Variants in ANO3 observed in about 807,000 individuals in gnomAD.
The protein encoded by ANO3 is anoctamin 3, also known as anoctamin-3.
A neutral mutation model predicts 144.8 loss-of-function variants in ANO3; 99 were observed. That is an observed-to-expected ratio of 0.68 (90% confidence interval 0.58 to 0.81). The LOEUF (loss-of-function observed/expected upper bound fraction) is 0.81. Among genes scored for constraint, ANO3 ranks in the 30% least tolerant of loss-of-function variants. ANO3 has a pLI of 0.00. For synonymous variants in ANO3, 414 were observed against 392.6 expected, an observed-to-expected ratio of 1.05 and a Z score of -0.64; for missense variants, 905 against 1,202.2, an observed-to-expected ratio of 0.75 and a Z score of 3.66.
In ANO3 at chr11:26,542,047, A is replaced by T; in HGVS notation, c.1133A>T (p.His378Leu). 1 of 1,611,732 alleles carries T rather than the reference A, an allele frequency of 6.2e-7. No homozygotes were observed. The highest frequency in any genetic ancestry group is 8.5e-7 in the Non-Finnish European group (1 of 1,178,768). Residue 378 changes from histidine to leucine, a missense_variant, in exon 11 of 27, where the codon CAT becomes CTT. By Grantham distance (99) the His-to-Leu change is moderately conservative. This residue lies in a region of ANO3 where 597 missense variants were observed against 865.1 expected (regional missense o/e 0.69). Transcript: ENST00000256737. ...RWARWGMWYK[H>L]QPLDLIRLYF... ...GCACGCTGGGGAATGTGGTATAAGC[A>T]TCAGCCTCTGGATTTAATCAGGTAC...
chr11:26,359,182 A>G (rs1855860446), intron 1 of ANO3, among the ~76,000 whole-genome samples: 1 of 152,222 alleles, frequency 6.6e-6, no homozygotes, highest in African/African-American at 2.4e-5. Flanking sequence ...TGCTATGAAT[A>G]TCCTCAAGCA....
intron 1 of ANO3, among the ~76,000 whole-genome samples, chr11:26,375,105 T>C (rs748059278): frequency 1.8e-4 from 27 of 152,198 alleles, no homozygotes; most frequent in Non-Finnish European, 3.1e-4. Context: ...GTGGGAGCCT[T>C]GAGTTTATTT....
intron 4 of ANO3, among the ~76,000 whole-genome samples, chr11:26,492,818 A>G (rs1265603405): frequency 2.0e-5 from 3 of 152,214 alleles, no homozygotes; most frequent in African/African-American, 7.2e-5. Flanking sequence ...TTTATGAATG[A>G]AGCAACTAAT....
At chr11:26,193,326 G>C (rs529395334) in intron 1 of ANO3, among the ~76,000 whole-genome samples, 79 of 151,990 alleles carry the variant, frequency 5.2e-4, no homozygotes, top group African/African-American at 1.9e-3. Context: ...ATTTTTACTA[G>C]AGACTGGGTT....
At chr11:26,358,567 C>A (rs1202261544) in intron 1 of ANO3, among the ~76,000 whole-genome samples, 1 of 151,798 alleles carries the variant, frequency 6.6e-6, no homozygotes, top group Non-Finnish European at 1.5e-5. Context: ...TTTTTTTTTA[C>A]TTACAATTAT....
chr11:26,553,788 A>C (rs1850007671), intron 13 of ANO3, among the ~76,000 whole-genome samples: 1 of 152,178 alleles, frequency 6.6e-6, no homozygotes, highest in South Asian at 2.1e-4. Context: ...CCTGAAGCTC[A>C]GATCAACCCC....
intron 4 of ANO3, among the ~76,000 whole-genome samples, chr11:26,484,356 A>G (rs1463664710): frequency 6.6e-6 from 1 of 152,136 alleles, no homozygotes; most frequent in African/African-American, 2.4e-5. Context: ...CATCCCAGCC[A>G]CCACAGCTCC....
At chr11:26,563,237 C>A (rs746956581) in intron 14 of ANO3, 1 of 1,607,194 alleles carries the variant, frequency 6.2e-7, no homozygotes. Context: ...CTAAAATGGC[C>A]CCGAATACTA....
At chr11:26,252,864 G>A (rs1263254761) in intron 1 of ANO3, among the ~76,000 whole-genome samples, 1 of 152,120 alleles carries the variant, frequency 6.6e-6, no homozygotes, top group Non-Finnish European at 1.5e-5. Context: ...TGTGCTAGTG[G>A]CCTGATAAAC....
At chr11:26,653,435 A>G (rs890664452) in intron 24 of ANO3, among the ~76,000 whole-genome samples, 2 of 151,884 alleles carry the variant, frequency 1.3e-5, no homozygotes, top group African/African-American at 2.4e-5. Context: ...TTCCACTGCC[A>G]CCACCTAGCT....
intron 1 of ANO3, among the ~76,000 whole-genome samples, chr11:26,368,663 A>AGTGTGTGTCT (rs895310373): frequency 1.1e-4 from 16 of 151,422 alleles, no homozygotes; most frequent in African/African-American, 1.9e-4. Context: ...GGAAGGGAAA[A>AGTGTGTGTCT]GTGTGTGTCT....
intron 14 of ANO3, among the ~76,000 whole-genome samples, chr11:26,596,838 C>T (rs776710808): frequency 6.6e-6 from 1 of 152,172 alleles, no homozygotes; most frequent in Non-Finnish European, 1.5e-5. Flanking sequence ...TGATCTCCAC[C>T]GGCCAATGCC....
intron 4 of ANO3, among the ~76,000 whole-genome samples, chr11:26,467,318 A>AGTATACTT (rs1319816784): frequency 6.6e-5 from 10 of 152,086 alleles, no homozygotes; most frequent in African/African-American, 2.4e-4. Context: ...ACTCTTTAAA[A>AGTATACTT]TGTACAAGTA....
At chr11:26,589,645 T>G (rs1851388529) in intron 14 of ANO3, among the ~76,000 whole-genome samples, 1 of 151,990 alleles carries the variant, frequency 6.6e-6, no homozygotes, top group African/African-American at 2.4e-5. Context: ...ATTTCCTGAC[T>G]GTGGATTTGC....
chr11:26,229,217 G>A (rs145073100), intron 1 of ANO3, among the ~76,000 whole-genome samples: 65 of 152,174 alleles, frequency 4.3e-4, no homozygotes, highest in African/African-American at 1.5e-3. Flanking sequence ...CTGTGTTAGT[G>A]AGATTCAAAA....
At chr11:26,266,739 T>A (rs118179957) in intron 1 of ANO3, among the ~76,000 whole-genome samples, 2,988 of 148,178 alleles carry the variant, frequency 0.02, 60 homozygotes, top group East Asian at 0.13. Context: ...GGCCACCAAA[T>A]GTAAATATTT....
intron 3 of ANO3, among the ~76,000 whole-genome samples, chr11:26,456,437 A>C (rs987844333): frequency 2.6e-5 from 4 of 151,968 alleles, no homozygotes; most frequent in African/African-American, 9.7e-5. Flanking sequence ...CACTTCTCAA[A>C]AGAAGACATT....
chr11:26,412,351 A>T (rs1396218921), intron 1 of ANO3, among the ~76,000 whole-genome samples: 1 of 152,086 alleles, frequency 6.6e-6, no homozygotes, highest in African/African-American at 2.4e-5. Context: ...AATTGTCATT[A>T]TAATAATATT....
intron 1 of ANO3, among the ~76,000 whole-genome samples, chr11:26,233,225 A>AG (rs1554926560): frequency 2.4e-4 from 37 of 151,438 alleles, no homozygotes; most frequent in African/African-American, 8.7e-4. Flanking sequence ...TCAAAAAAAA[A>AG]AAAAGAAAAG....
Sources: gnomAD v4.1 joint callset for allele counts (sites outside exome capture counted in the v4.1 genomes callset) on GRCh38, gnomAD v4.1.1 for gene constraint, gnomAD v4.1.1 regional missense constraint, MANE v1.5 for transcripts, NCBI Gene and HGNC (gene_info 2026-07-23, HGNC 2026-07-21) for gene names.